KCNJ6: variants seen among roughly 807,000 people sequenced by gnomAD.
The protein encoded by KCNJ6 is potassium inwardly rectifying channel subfamily J member 6.
A neutral mutation model predicts 34.2 loss-of-function variants in KCNJ6; 9 were observed. That is an observed-to-expected ratio of 0.26 (90% confidence interval 0.16 to 0.46). The LOEUF is 0.46. Among genes scored for constraint, KCNJ6 ranks in the 20% least tolerant of loss-of-function variants. The pLI, the probability that KCNJ6 is intolerant of heterozygous loss-of-function variation, is 1.00. For missense variants in KCNJ6, 236 were observed against 531.3 expected (o/e 0.44, Z 5.46); for synonymous variants, 196 against 207.1 (o/e 0.95, Z 0.46).
chr21:37,658,319 ACTGAGGTTT>A (rs1433102650), intron 3 of KCNJ6, among the ~76,000 whole-genome samples: 1 of 152,222 alleles, frequency 6.6e-6, no homozygotes, highest in Non-Finnish European at 1.5e-5. Flanking sequence ...GGATGAGAAA[ACTGAGGTTT>A]CTTGGAAATG....
At chr21:37,715,226 A>T (rs1461134575) in intron 2 of KCNJ6, 95 bp from the exon 3 acceptor site, 8 of 1,061,284 alleles carry the variant, frequency 7.5e-6, no homozygotes, top group Non-Finnish European at 1.1e-5. Context: ...GGTGAAACCA[A>T]ATACCATTTG....
At chr21:37,721,496 C>G (rs1163989320) in intron 2 of KCNJ6, among the ~76,000 whole-genome samples, 1 of 152,186 alleles carries the variant, frequency 6.6e-6, no homozygotes, top group South Asian at 2.1e-4. Flanking sequence ...GCATTCTCCA[C>G]AGCAGTGAAA....
chr21:37,850,965 G>C (rs560624680), intron 1 of KCNJ6, among the ~76,000 whole-genome samples: 10 of 152,292 alleles, frequency 6.6e-5, no homozygotes, highest in South Asian at 6.2e-4. Context: ...GTAATTGATT[G>C]ATTGATTCAT....
chr21:37,848,852 T>C (rs1290478280), intron 1 of KCNJ6, among the ~76,000 whole-genome samples: 1 of 152,066 alleles, frequency 6.6e-6, no homozygotes. Context: ...AACCCAGCTG[T>C]GTGTGTGTCC....
intron 2 of KCNJ6, among the ~76,000 whole-genome samples, chr21:37,812,777 A>G (rs1340805870): frequency 6.6e-6 from 1 of 152,218 alleles, no homozygotes; most frequent in Non-Finnish European, 1.5e-5. Flanking sequence ...ACATAATAAA[A>G]GCCATATATA....
At chr21:37,648,506 T>C (rs1322108604) in intron 3 of KCNJ6, among the ~76,000 whole-genome samples, 3 of 152,190 alleles carry the variant, frequency 2.0e-5, no homozygotes, top group Admixed American at 6.5e-5. Context: ...CTTGCTAATA[T>C]TTAGAGTGGG....
chr21:37,699,303 G>A (rs948577110), intron 3 of KCNJ6, among the ~76,000 whole-genome samples: 1 of 152,122 alleles, frequency 6.6e-6, no homozygotes, highest in African/African-American at 2.4e-5. Flanking sequence ...CCTCAGCTTC[G>A]GCCCCCTTGC....
At chr21:37,840,802 T>G in intron 1 of KCNJ6, 93 bp from the exon 2 acceptor site, 1 of 661,212 alleles carries the variant, frequency 1.5e-6, no homozygotes, top group Non-Finnish European at 2.6e-6. Flanking sequence ...CTCTTCCTTC[T>G]TTTTCCTAGG....
chr21:37,625,433 C>T lies in KCNJ6; in HGVS notation c.998G>A (p.Gly333Asp). The T allele has an allele frequency of 6.2e-7, 1 of 1,614,092 alleles. No individual in the cohort carries two copies. The highest frequency in any genetic ancestry group is 8.5e-7 in the Non-Finnish European group (1 of 1,179,966). Residue 333 changes from glycine (G) to aspartate (D), a missense_variant, in exon 4 of 4, where the codon GGT (glycine) becomes GAT (aspartate). Around this residue, in one of 5 missense-constraint regions of KCNJ6, gnomAD observed 60 missense variants for 207.3 expected, o/e 0.29. Coordinates refer to ENST00000609713, the MANE Select transcript of KCNJ6 (RefSeq NM_002240.5). Reference sequence around the variant, plus strand: ...GGTCAGGACAGGTGTGAACCGGTAACCCCACAGGATCTCACTGGTGATGTA... The same window carrying T: ...GGTCAGGACAGGTGTGAACCGGTAATCCCACAGGATCTCACTGGTGATGTA... ...SSYITSEILW[G>D]YRFTPVLTLE...
intron 1 of KCNJ6, among the ~76,000 whole-genome samples, chr21:37,859,531 A>ATATATATATAT (rs1491433754): frequency 1.7e-3 from 145 of 86,260 alleles, no homozygotes; most frequent in African/African-American, 2.3e-3. Context: ...ATATATATAT[A>ATATATATATAT]AAATACTTAA....
chr21:37,761,951 G>A (rs528910377), intron 2 of KCNJ6, among the ~76,000 whole-genome samples: 1 of 152,166 alleles, frequency 6.6e-6, no homozygotes, highest in Non-Finnish European at 1.5e-5. Flanking sequence ...CAGGGAGGAG[G>A]GTGGTGAGGA....
At chr21:37,884,750 A>T (rs1038270095) in intron 1 of KCNJ6, among the ~76,000 whole-genome samples, 5 of 152,216 alleles carry the variant, frequency 3.3e-5, no homozygotes, top group African/African-American at 1.2e-4. Flanking sequence ...CCACTGGGTC[A>T]GGAAGAGGGG....
chr21:37,727,346 T>C (rs2123463811), intron 2 of KCNJ6, among the ~76,000 whole-genome samples: 1 of 152,106 alleles, frequency 6.6e-6, no homozygotes, highest in African/African-American at 2.4e-5. Context: ...CTAAGGCAGA[T>C]TGCAGTGGGT....
At chr21:37,652,007 A>G (rs1291701704) in intron 3 of KCNJ6, among the ~76,000 whole-genome samples, 1 of 152,208 alleles carries the variant, frequency 6.6e-6, no homozygotes, top group Non-Finnish European at 1.5e-5. Flanking sequence ...ACTGGTGTAC[A>G]GTAGCTGATG....
intron 3 of KCNJ6, among the ~76,000 whole-genome samples, chr21:37,692,654 G>T (rs1388529553): frequency 2.6e-5 from 4 of 152,192 alleles, no homozygotes; most frequent in Non-Finnish European, 4.4e-5. Flanking sequence ...TAGAGTTTAG[G>T]TTCTGGCTTT....
Position 37,624,899 on chromosome 21 carries a change from G to T in KCNJ6, c.*260C>A. On this transcript the variant is annotated 3_prime_UTR_variant, in exon 4 of 4. Coordinates refer to ENST00000609713, the MANE Select transcript of KCNJ6 (RefSeq NM_002240.5). ...GAAATCTCCAGGAGTTGGATGTGTA[G>T]TATTTTGGGAGGAGACCAGGCTTGG... The T allele has an allele frequency of 2.0e-6, 1 of 511,582 alleles. No homozygotes were observed. Among genetic ancestry groups the T allele is most frequent in the South Asian group, 2.6e-5 (1 of 37,792 alleles). 31.7% of individuals were successfully genotyped at this position (511,582 alleles called of 1,614,324 possible).
intron 3 of KCNJ6, among the ~76,000 whole-genome samples, chr21:37,713,641 T>C (rs945837509): frequency 6.6e-6 from 1 of 152,218 alleles, no homozygotes; most frequent in Non-Finnish European, 1.5e-5. Flanking sequence ...TTTTTTCTTT[T>C]CTGCTAGAGT....
intron 3 of KCNJ6, among the ~76,000 whole-genome samples, chr21:37,693,252 T>A (rs75795377): frequency 0.38 from 11,302 of 29,694 alleles, 1,022 homozygotes; most frequent in African/African-American, 0.51. Context: ...CCAAGCAATG[T>A]CTCGTTCAAT....
intron 3 of KCNJ6, among the ~76,000 whole-genome samples, chr21:37,630,927 C>T (rs1449970250): frequency 6.6e-6 from 1 of 152,036 alleles, no homozygotes; most frequent in Non-Finnish European, 1.5e-5. Context: ...AAATGCTGCT[C>T]ATCTTTCAAG....
Sources: allele counts gnomAD v4.1 joint callset (sites outside exome capture counted in the v4.1 genomes callset), GRCh38; gene constraint gnomAD v4.1.1; regional missense constraint gnomAD v4.1.1; transcripts MANE v1.5; gene names NCBI Gene and HGNC (gene_info 2026-07-23, HGNC 2026-07-21).